PLCL2: variants seen among roughly 807,000 people sequenced by gnomAD.
PLCL2 encodes the protein phospholipase C like 2, also known as inactive phospholipase C-like protein 2.
A neutral mutation model predicts 79.6 loss-of-function variants in PLCL2; 4 were observed. The observed-to-expected ratio is 0.05, with a 90% CI of 0.02 to 0.11. The LOEUF (loss-of-function observed/expected upper bound fraction) is 0.11. PLCL2 is among the 10% of genes least tolerant of loss of function. PLCL2 has a pLI of 1.00. For missense variants in PLCL2, 895 were observed against 1,291.0 expected (o/e 0.69, Z 4.70); for synonymous variants, 484 against 457.7 (o/e 1.06, Z -0.73).
At chr3:17,033,863 T>C (rs2064612541) in intron 3 of PLCL2, among the ~76,000 whole-genome samples, 1 of 152,208 alleles carries the variant, frequency 6.6e-6, no homozygotes, top group Non-Finnish European at 1.5e-5. Context: ...ATATTGTTTT[T>C]ATTTGATGTC....
chr3:17,012,256 T>A, intron 2 of PLCL2, 96 bp downstream of exon 2: 1 of 1,106,152 alleles, frequency 9.0e-7, no homozygotes, highest in Non-Finnish European at 1.2e-6. Context: ...ATAGTATATT[T>A]AAGTAGTTTT....
rs2064367863 is a variant in PLCL2, at chr3:17,014,918, T to A, written c.3018+7T>A. The A allele has an allele frequency of 1.9e-6, 3 of 1,609,028 alleles. No homozygotes were observed. The East Asian group carries it at 6.7e-5, about 36-fold the overall frequency. On this transcript the variant is annotated splice_region_variant and intron_variant, in intron 3 of 5. Transcript: ENST00000615277. ...CGTAACAACTTATGACATGGTGAGT[T>A]GTCCTTTGTCCGTTTACATAGCCTG...
chr3:17,003,708 G>T (rs889041231), intron 1 of PLCL2, among the ~76,000 whole-genome samples: 6 of 152,050 alleles, frequency 3.9e-5, no homozygotes, highest in African/African-American at 1.4e-4. Context: ...TAGAATTTGG[G>T]CAGGTGATAG....
intron 1 of PLCL2, among the ~76,000 whole-genome samples, chr3:16,989,697 A>G (rs1425019447): frequency 6.6e-6 from 1 of 152,180 alleles, no homozygotes; most frequent in Non-Finnish European, 1.5e-5. Context: ...CAATACTGTC[A>G]CTAAGGGAAA....
At chr3:17,040,091 C>T (rs1211342381) in intron 3 of PLCL2, among the ~76,000 whole-genome samples, 1 of 152,180 alleles carries the variant, frequency 6.6e-6, no homozygotes, top group Non-Finnish European at 1.5e-5. Flanking sequence ...TGTTTTATTT[C>T]TGTACCATAG....
chr3:17,042,304 A>G (rs1430112307), intron 3 of PLCL2, among the ~76,000 whole-genome samples: 6 of 152,210 alleles, frequency 3.9e-5, no homozygotes, highest in Non-Finnish European at 7.3e-5. Context: ...AATTTGGAAC[A>G]AGAATTCAAA....
intron 1 of PLCL2, among the ~76,000 whole-genome samples, chr3:16,967,366 A>C (rs532109490): frequency 1.1e-4 from 17 of 152,214 alleles, no homozygotes; most frequent in Admixed American, 9.8e-4. Flanking sequence ...GGTTGAACTA[A>C]TTTACTTTTC....
intron 1 of PLCL2, among the ~76,000 whole-genome samples, chr3:17,000,047 G>C (rs961399297): frequency 6.6e-6 from 1 of 152,158 alleles, no homozygotes; most frequent in Non-Finnish European, 1.5e-5. Flanking sequence ...TGAGTTTGCA[G>C]ATCCCTTTGA....
At chr3:17,078,799 G>T (rs1316251610) in intron 5 of PLCL2, among the ~76,000 whole-genome samples, 1 of 152,114 alleles carries the variant, frequency 6.6e-6, no homozygotes, top group East Asian at 1.9e-4. Context: ...GTTGATGTAT[G>T]ACTCCTTTTA....
intron 1 of PLCL2, among the ~76,000 whole-genome samples, chr3:16,934,714 A>C (rs1697497631): frequency 6.6e-6 from 1 of 152,172 alleles, no homozygotes; most frequent in Admixed American, 6.5e-5. Context: ...GTGAAAGGTG[A>C]TGGTGGCCTG....
chr3:16,922,146 C>T (rs569339775), intron 1 of PLCL2, among the ~76,000 whole-genome samples: 4 of 152,132 alleles, frequency 2.6e-5, no homozygotes, highest in Non-Finnish European at 1.5e-5. Context: ...GAATTTGGCT[C>T]TGCAGTTTTT....
intron 3 of PLCL2, among the ~76,000 whole-genome samples, chr3:17,033,075 G>C (rs2064602331): frequency 1.3e-5 from 2 of 152,138 alleles, no homozygotes; most frequent in East Asian, 3.9e-4. Flanking sequence ...GTACATAAGA[G>C]GTTCAGACCG....
chr3:16,955,757 T>C (rs2124963641), intron 1 of PLCL2, among the ~76,000 whole-genome samples: 3 of 152,350 alleles, frequency 2.0e-5, no homozygotes, highest in Middle Eastern at 6.8e-3. Context: ...CCTTGTAAGC[T>C]GGATTCCTAG....
rs181697718 is a variant in PLCL2, at chr3:16,957,886, T to C, written c.328-51788T>C. Among the ~76,000 whole-genome samples the C allele has an allele frequency of 8.9e-3, 1,362 of 152,316 alleles. 66 individuals are homozygous for C. The highest frequency in any genetic ancestry group is 0.071 in the Admixed American group (1,091 of 15,294). ...TTTTGTTTTCCATTTGCTTGGTAGG[T>C]CTTCCTCCATCCCTTTATTTTGAGC... On this transcript the variant is annotated intron_variant, in intron 1 of 5. Transcript: ENST00000615277.
intron 1 of PLCL2, among the ~76,000 whole-genome samples, chr3:16,890,521 A>G (rs1472367638): frequency 6.6e-6 from 1 of 152,274 alleles, no homozygotes; most frequent in Non-Finnish European, 1.5e-5. Context: ...ATATAAATGA[A>G]GTATGAACAT....
At chr3:17,085,570 C>T (rs1464360565) in intron 5 of PLCL2, among the ~76,000 whole-genome samples, 2 of 152,140 alleles carry the variant, frequency 1.3e-5, no homozygotes, top group African/African-American at 4.8e-5. Flanking sequence ...CTGCCTCAGC[C>T]TCCCAAGTAG....
intron 4 of PLCL2, among the ~76,000 whole-genome samples, chr3:17,057,260 C>T (rs2064900892): frequency 6.6e-6 from 1 of 152,156 alleles, no homozygotes; most frequent in South Asian, 2.1e-4. Context: ...AAATATCCTT[C>T]ATTTTTAACT....
At chr3:17,013,372 T>C (rs2064348650) in intron 2 of PLCL2, among the ~76,000 whole-genome samples, 1 of 152,182 alleles carries the variant, frequency 6.6e-6, no homozygotes, top group African/African-American at 2.4e-5. Flanking sequence ...AACAAACAGA[T>C]TGACTGCCTG....
In PLCL2 at chr3:17,021,991, T is replaced by C. The variant is rs981645922; in HGVS notation, c.3018+7080T>C. Among the ~76,000 whole-genome samples the C allele has an allele frequency of 5.9e-5, 9 of 152,152 alleles. 1 individual carries two copies. The highest frequency in any genetic ancestry group is 4.6e-4 in the Admixed American group (7 of 15,268). ...CATCACTTCAGTTCCTGGGTAGATT[T>C]CATTTGAGCCATCACCACCTAGAGA... On this transcript the variant is annotated intron_variant, in intron 3 of 5. Transcript: ENST00000615277.
Sources: allele counts gnomAD v4.1 joint callset (sites outside exome capture counted in the v4.1 genomes callset), GRCh38; gene constraint gnomAD v4.1.1; transcripts MANE v1.5; gene names NCBI Gene and HGNC (gene_info 2026-07-23, HGNC 2026-07-21).